Variants in PPP1R12B observed in about 807,000 individuals in gnomAD.
The protein encoded by PPP1R12B is myosin phosphatase target subunit 2.
In PPP1R12B, 76 loss-of-function variants were observed where a neutral mutation model predicts 126.1. That is an observed-to-expected ratio of 0.60 (90% CI 0.50 to 0.73). The LOEUF (loss-of-function observed/expected upper bound fraction) is 0.73, where lower values mean the gene tolerates loss of function less well. PPP1R12B is among the 30% of genes least tolerant of loss of function. The pLI, the probability that PPP1R12B is intolerant of heterozygous loss-of-function variation, is 0.00. For missense variants in PPP1R12B, 1,052 were observed against 1,205.1 expected, an observed-to-expected ratio of 0.87 and a Z score of 1.88; for synonymous variants, 356 against 434.7, an observed-to-expected ratio of 0.82 and a Z score of 2.25.
Position 202,457,552 on chromosome 1 carries a change from C to CA in PPP1R12B, c.1850+8396dup, listed in dbSNP as rs762009351. On this transcript the variant is annotated intron_variant, in intron 13 of 23. Coordinates refer to ENST00000608999, the MANE Select transcript of PPP1R12B (RefSeq NM_002481.4). ...TGGGAGACAGAGCGAGACTCCATCT[C>CA]AAAAAAAAAAAAAAAGAAAGAAAGA... is the stretch of plus-strand genomic sequence containing the variant. Among the ~76,000 whole-genome samples the CA allele has an allele frequency of 9.8e-3, 901 of 91,908 alleles. 5 individuals carry two copies. Among genetic ancestry groups the CA allele is most frequent in the Non-Finnish European group, 0.014 (619 of 44,520 alleles). 60.3% of individuals were successfully genotyped at this position (91,908 alleles called of 152,430 possible).
chr1:202,362,657 T>TG (rs1658425391), intron 1 of PPP1R12B, among the ~76,000 whole-genome samples: 2 of 150,966 alleles, frequency 1.3e-5, no homozygotes, highest in East Asian at 1.9e-4. Flanking sequence ...CCCAGGGTTT[T>TG]TGTTTTTTTT....
At chr1:202,486,017 G>A (rs942598847) in intron 13 of PPP1R12B, among the ~76,000 whole-genome samples, 1 of 152,102 alleles carries the variant, frequency 6.6e-6, no homozygotes, top group Non-Finnish European at 1.5e-5. Context: ...GAGTAGGTGG[G>A]ACTACAGGCA....
intron 1 of PPP1R12B, among the ~76,000 whole-genome samples, chr1:202,352,114 C>T (rs1007114940): frequency 3.3e-5 from 5 of 152,136 alleles, no homozygotes; most frequent in African/African-American, 1.2e-4. Flanking sequence ...GTCCTAGAGT[C>T]CTTAACAAGG....
Position 202,442,576 on chromosome 1 carries a change from C to T in PPP1R12B, c.1667+4C>T. On this transcript the variant is annotated splice_donor_region_variant and intron_variant, in intron 12 of 23. Coordinates refer to ENST00000608999, the MANE Select transcript of PPP1R12B (RefSeq NM_002481.4). The stretch of plus-strand genomic sequence containing the variant: ...ATGTATCAACTTACTTGAAAAGGTA[C>T]CAGGCTCAAAGGGGGTGGGAGATGT... The T allele has an allele frequency of 1.2e-6, 2 of 1,609,356 alleles. No homozygotes were observed. Among genetic ancestry groups the T allele is most frequent in the Non-Finnish European group, 1.7e-6 (2 of 1,177,818 alleles).
At chr1:202,555,129 C>A (rs899003534) in intron 18 of PPP1R12B, among the ~76,000 whole-genome samples, 2 of 151,762 alleles carry the variant, frequency 1.3e-5, no homozygotes, top group Non-Finnish European at 2.9e-5. Context: ...CAGTGAAGGT[C>A]ATACAGTATA....
intron 5 of PPP1R12B, 34 bp from the exon 6 acceptor site, chr1:202,428,821 T>G: frequency 6.3e-7 from 1 of 1,580,438 alleles, no homozygotes; most frequent in Non-Finnish European, 8.6e-7. Flanking sequence ...TGCTTCTGTT[T>G]TCTATCAGTC....
chr1:202,397,893 G>A (rs780225198), intron 1 of PPP1R12B, among the ~76,000 whole-genome samples: 6 of 152,132 alleles, frequency 3.9e-5, no homozygotes, highest in Non-Finnish European at 8.8e-5. Context: ...CAAGAATACA[G>A]CATAGTCCTA....
At chr1:202,564,836 T>A (rs993889971) in intron 21 of PPP1R12B, among the ~76,000 whole-genome samples, 21 of 152,220 alleles carry the variant, frequency 1.4e-4, no homozygotes, top group African/African-American at 5.1e-4. Flanking sequence ...AAACCAGCAC[T>A]ACAAAGCTAG....
At chr1:202,499,952 T>C (rs541595349) in intron 18 of PPP1R12B, among the ~76,000 whole-genome samples, 9 of 152,146 alleles carry the variant, frequency 5.9e-5, no homozygotes, top group Non-Finnish European at 1.3e-4. Flanking sequence ...ATGGCTGTTA[T>C]CAAAAAGACA....
intron 18 of PPP1R12B, among the ~76,000 whole-genome samples, chr1:202,500,531 T>G (rs1680109425): frequency 6.6e-6 from 1 of 152,170 alleles, no homozygotes; most frequent in Non-Finnish European, 1.5e-5. Context: ...TGTAGGATCT[T>G]AAAAAGTTGA....
At chr1:202,511,080 TAGC>T (rs1470526478) in intron 18 of PPP1R12B, among the ~76,000 whole-genome samples, 2 of 147,632 alleles carry the variant, frequency 1.4e-5, no homozygotes, top group African/African-American at 4.9e-5. Context: ...TTATATATAT[TAGC>T]AGAGTCTTTT....
rs1329401004 is a variant in PPP1R12B, at chr1:202,586,196, A to G, written c.*5636A>G. On this transcript the variant is annotated 3_prime_UTR_variant, in exon 24 of 24. Coordinates refer to ENST00000608999, the MANE Select transcript of PPP1R12B (RefSeq NM_002481.4). ...AGCAGTGTTTACAAACCCAGAGTCCACACAACCATATTGCATAGAACAGCA... is the reference window on the plus strand; with the variant it reads ...AGCAGTGTTTACAAACCCAGAGTCCGCACAACCATATTGCATAGAACAGCA... 2 of 152,292 alleles carry G rather than the reference A, an allele frequency of 1.3e-5. No individual in the cohort carries two copies. Among genetic ancestry groups the G allele is most frequent in the African/African-American group, 2.4e-5 (1 of 41,464 alleles). The allele number at this position is 152,292 out of a possible 1,614,324, so 9.4% of individuals were successfully genotyped here.
intron 13 of PPP1R12B, among the ~76,000 whole-genome samples, chr1:202,451,377 CG>C (rs1672905147): frequency 6.8e-6 from 1 of 147,780 alleles, no homozygotes; most frequent in African/African-American, 2.5e-5. Flanking sequence ...TGACTCTTAA[CG>C]AGCATGCTGC....
intron 1 of PPP1R12B, among the ~76,000 whole-genome samples, chr1:202,414,994 G>A (rs1000688989): frequency 6.6e-5 from 10 of 152,122 alleles, no homozygotes; most frequent in African/African-American, 2.2e-4. Flanking sequence ...GCTCAGGCTG[G>A]TCTTGAACTC....
intron 18 of PPP1R12B, among the ~76,000 whole-genome samples, chr1:202,499,149 A>G (rs1679910659): frequency 6.6e-6 from 1 of 152,226 alleles, no homozygotes; most frequent in Non-Finnish European, 1.5e-5. Flanking sequence ...TTTCATCATT[A>G]ACGCTCAAGA....
intron 18 of PPP1R12B, among the ~76,000 whole-genome samples, chr1:202,507,092 A>G (rs1302397017): frequency 6.6e-6 from 1 of 152,170 alleles, no homozygotes; most frequent in Non-Finnish European, 1.5e-5. Flanking sequence ...CTCATTTTTG[A>G]GGGGCAGTGG....
intron 8 of PPP1R12B, 86 bp downstream of exon 8, chr1:202,431,705 C>G: frequency 7.7e-7 from 1 of 1,302,534 alleles, no homozygotes; most frequent in Non-Finnish European, 1.0e-6. Flanking sequence ...CCAGGCCTCA[C>G]AGGACTCCAA....
intron 18 of PPP1R12B, among the ~76,000 whole-genome samples, chr1:202,534,883 A>C (rs1211464365): frequency 6.6e-6 from 1 of 152,246 alleles, no homozygotes; most frequent in South Asian, 2.1e-4. Flanking sequence ...AAATAAATGC[A>C]TAGAATATAA....
At chr1:202,460,912 CA>C (rs892744985) in intron 13 of PPP1R12B, among the ~76,000 whole-genome samples, 4 of 152,150 alleles carry the variant, frequency 2.6e-5, no homozygotes, top group African/African-American at 7.2e-5. Flanking sequence ...AAACTGCTTT[CA>C]GTGTCATATG....
Sources: allele counts gnomAD v4.1 joint callset (sites outside exome capture counted in the v4.1 genomes callset), GRCh38; gene constraint gnomAD v4.1.1; transcripts MANE v1.5; gene names NCBI Gene and HGNC (gene_info 2026-07-23, HGNC 2026-07-21).